PKD1L1: variants seen among roughly 807,000 people sequenced by gnomAD.
PKD1L1 encodes polycystin 1 like 1, transient receptor potential channel interacting, also known as polycystin-1-like protein 1.
A neutral mutation model predicts 323.4 loss-of-function variants in PKD1L1; 236 were observed. The observed-to-expected ratio is 0.73, with a 90% CI of 0.66 to 0.81. PKD1L1 has a LOEUF of 0.81. PKD1L1 is among the 40% of genes least tolerant of loss of function. The probability of loss-of-function intolerance (pLI) is 0.00; values close to 1 mark genes in which losing one functional copy is unlikely to be tolerated. For synonymous variants in PKD1L1, 1,344 were observed against 1,335.0 expected (o/e 1.01, Z -0.15); for missense variants, 3,320 against 3,508.0 (o/e 0.95, Z 1.35).
At chr7:47,924,602 AATTT>A (rs1399266159) in intron 7 of PKD1L1, among the ~76,000 whole-genome samples, 1 of 152,214 alleles carries the variant, frequency 6.6e-6, no homozygotes, top group Non-Finnish European at 1.5e-5. Context: ...CCCCTATCAT[AATTT>A]TAACCTTGCC....
Position 47,831,357 on chromosome 7 carries a change from G to A in PKD1L1, c.6338-5C>T, listed in dbSNP as rs528154755. ...CCTCCAAACCACTGCTGGGTGCTGC[G>A]GAAGAGTAGGACAGAGACAAGGCAG... is the stretch of plus-strand genomic sequence containing the variant. On this transcript the variant is annotated splice_polypyrimidine_tract_variant and splice_region_variant and intron_variant, in intron 41 of 56. Coordinates refer to ENST00000289672, the MANE Select transcript of PKD1L1 (RefSeq NM_138295.5). 2.1e-5 allele frequency: 33 copies of A among 1,609,694 alleles called. No individual in the cohort carries two copies. The highest frequency in any genetic ancestry group is 1.3e-4 in the East Asian group (6 of 44,846).
At chr7:47,803,412 C>T (rs1784709621) in intron 52 of PKD1L1, 68 bp from the exon 53 acceptor site, 1 of 1,566,346 alleles carries the variant, frequency 6.4e-7, no homozygotes, top group Admixed American at 1.7e-5. Flanking sequence ...ATATTCACAG[C>T]TGTCAGTCAT....
chr7:47,803,445 G>C (rs1784710428), intron 52 of PKD1L1, 101 bp from the exon 53 acceptor site: 1 of 1,397,346 alleles, frequency 7.2e-7, no homozygotes, highest in Non-Finnish European at 9.8e-7. Flanking sequence ...CATTGGATTT[G>C]ATGATGTTAT....
At position 47,880,247 on chromosome 7, in the gene PKD1L1, G is replaced by GATAGAT. The variant is rs1453113715; in HGVS notation, c.3520+480_3520+481insATCTAT. Among the ~76,000 whole-genome samples the GATAGAT allele has an allele frequency of 2.1e-4, 21 of 98,276 alleles. 1 individual carries two copies. Among genetic ancestry groups the GATAGAT allele is most frequent in the African/African-American group, 9.7e-4 (20 of 20,642 alleles). The allele number at this position is 98,276 out of a possible 152,430, so 64.5% of individuals were successfully genotyped here. A position where few individuals can be genotyped will look rare whatever the true frequency, so the allele number is the denominator to read the frequency against. ...TTGTGCAGTTGTCTAGCATAAATAA[G>GATAGAT]ATATATATATATATATACATATATA... is the stretch of plus-strand genomic sequence containing the variant. On this transcript the variant is annotated intron_variant, in intron 21 of 56. Transcript: ENST00000289672.
rs148593792 is a variant in PKD1L1 at position 47,904,906 on chromosome 7, G to A, written c.1691+251C>T. On this transcript the variant is annotated intron_variant, in intron 11 of 56. Coordinates refer to ENST00000289672, the MANE Select transcript of PKD1L1 (RefSeq NM_138295.5). ...AATTTCTTAGGTCACATGGGTGGCC[G>A]AGATAGAATTCGAACCTAGGACTGT... Among the ~76,000 whole-genome samples the A allele has an allele frequency of 2.7e-3, 409 of 152,212 alleles. 5 individuals carry two copies. The highest frequency in any genetic ancestry group is 9.2e-3 in the African/African-American group (381 of 41,538).
At chr7:47,875,072 A>G (rs6961473) in intron 23 of PKD1L1, among the ~76,000 whole-genome samples, 55,275 of 152,042 alleles carry the variant, frequency 0.36, 11,463 homozygotes, top group African/African-American at 0.57. Context: ...CTTCTATTGG[A>G]ACATTTGCCC....
intron 33 of PKD1L1, among the ~76,000 whole-genome samples, chr7:47,843,502 A>G (rs1672456223): frequency 6.6e-6 from 1 of 152,192 alleles, no homozygotes; most frequent in South Asian, 2.1e-4. Context: ...TATTGTAAAG[A>G]TTAAGCAATA....
chr7:47,807,005 C>T (rs992365006), intron 52 of PKD1L1, among the ~76,000 whole-genome samples: 4 of 152,082 alleles, frequency 2.6e-5, no homozygotes, highest in African/African-American at 7.2e-5. Flanking sequence ...GGGACTCTGT[C>T]GGGACACACA....
At chr7:47,832,763 T>C (rs1182373321) in intron 41 of PKD1L1, among the ~76,000 whole-genome samples, 2 of 152,256 alleles carry the variant, frequency 1.3e-5, no homozygotes, top group Non-Finnish European at 2.9e-5. Flanking sequence ...TCCAGCATAA[T>C]TGGAAGCTGG....
chr7:47,947,418 G>C (rs948818915), intron 1 of PKD1L1, among the ~76,000 whole-genome samples: 1 of 152,234 alleles, frequency 6.6e-6, no homozygotes, highest in Non-Finnish European at 1.5e-5. Flanking sequence ...GCAGTGGCGG[G>C]GTACCCCACT....
intron 2 of PKD1L1, among the ~76,000 whole-genome samples, 154 bp from the exon 3 acceptor site, chr7:47,940,471 G>A (rs745913185): frequency 1.3e-4 from 20 of 152,334 alleles, no homozygotes; most frequent in Middle Eastern, 3.4e-3. Context: ...TTGGGCTGCC[G>A]TGTCCTGCTG....
intron 52 of PKD1L1, among the ~76,000 whole-genome samples, chr7:47,805,840 G>T (rs181807927): frequency 6.6e-6 from 1 of 152,306 alleles, no homozygotes; most frequent in Non-Finnish European, 1.5e-5. Context: ...TAGATGGGTG[G>T]CATACTAGTA....
chr7:47,799,769 G>A (rs1049746922), intron 54 of PKD1L1, among the ~76,000 whole-genome samples: 3 of 152,136 alleles, frequency 2.0e-5, no homozygotes, highest in African/African-American at 7.2e-5. Context: ...GCTTAGTCAA[G>A]CACAGAGCAG....
rs1785816117 is a variant in PKD1L1 at position 47,853,055 on chromosome 7, A to G, written c.4960+72T>C. 3 of 1,000,272 alleles carry G rather than the reference A, an allele frequency of 3.0e-6. No individual in the cohort carries two copies. The South Asian group carries it at 4.1e-5, about 14-fold the overall frequency. The allele number at this position is 1,000,272 out of a possible 1,614,324, so 62.0% of individuals were successfully genotyped here. On this transcript the variant is annotated intron_variant, in intron 31 of 56. Transcript: ENST00000289672. The stretch of plus-strand genomic sequence containing the variant: ...CATGAATAAAGAAAAACACCACTAT[A>G]CATACAAAGGTTATAGGGGATGTTT...
chr7:47,823,219 C>T (rs1389165192), intron 45 of PKD1L1, among the ~76,000 whole-genome samples: 1 of 152,134 alleles, frequency 6.6e-6, no homozygotes, highest in East Asian at 1.9e-4. Flanking sequence ...CCTTTATTAG[C>T]TCAGGGAACT....
intron 54 of PKD1L1, among the ~76,000 whole-genome samples, chr7:47,798,613 G>C (rs1784593489): frequency 6.6e-6 from 1 of 151,804 alleles, no homozygotes; most frequent in South Asian, 2.1e-4. Context: ...AAATTAGCTG[G>C]GTGTGGTGGC....
chr7:47,834,921 G>A, intron 39 of PKD1L1, 46 bp downstream of exon 39: 2 of 1,541,686 alleles, frequency 1.3e-6, no homozygotes, highest in Non-Finnish European at 1.8e-6. Flanking sequence ...TGGTGCAAAA[G>A]GCTCAGCCCC....
At chr7:47,906,542 T>C (rs1416922993) in intron 9 of PKD1L1, among the ~76,000 whole-genome samples, 1 of 152,148 alleles carries the variant, frequency 6.6e-6, no homozygotes, top group African/African-American at 2.4e-5. Context: ...TGCATGTACA[T>C]ATGTATGTAC....
In PKD1L1 at chr7:47,870,973, AAAAAAAAAAAG is replaced by A. The variant is rs1291772240; in HGVS notation, c.3896+2915_3896+2925del. Among the ~76,000 whole-genome samples, 3 of 85,560 alleles carry A rather than the reference AAAAAAAAAAAG, an allele frequency of 3.5e-5. No individual in the cohort carries two copies. The East Asian group carries it at 8.4e-4, about 24-fold the overall frequency. 56.1% of individuals were successfully genotyped at this position (85,560 alleles called of 152,430 possible). A position where few individuals can be genotyped will look rare whatever the true frequency, so the allele number is the denominator to read the frequency against. ...AGACAACAGATGGAAACCTTGTCTC[AAAAAAAAAAAG>A]AAAAAAAAAAAAAAAGGAATACTTC... On this transcript the variant is annotated intron_variant, in intron 24 of 56. Transcript: ENST00000289672.
Sources: allele counts gnomAD v4.1 joint callset (sites outside exome capture counted in the v4.1 genomes callset), GRCh38; gene constraint gnomAD v4.1.1; transcripts MANE v1.5; gene names NCBI Gene and HGNC (gene_info 2026-07-23, HGNC 2026-07-21).